PHF3: variants seen among roughly 807,000 people sequenced by gnomAD.
PHF3 encodes PHD finger protein 3.
PHF3 carries 41 observed loss-of-function variants against 178.4 expected under a neutral mutation model. The observed-to-expected ratio is 0.23, with a 90% CI of 0.18 to 0.30. The LOEUF (loss-of-function observed/expected upper bound fraction) is 0.30. Among genes scored for constraint, PHF3 ranks in the 10% least tolerant of loss-of-function variants. PHF3 has a pLI of 1.00. For missense variants in PHF3, 2,346 were observed against 2,398.1 expected (o/e 0.98, Z 0.45); for synonymous variants, 842 against 800.5 (o/e 1.05, Z -0.88).
Position 63,721,611 on chromosome 6 carries a change from T to A in PHF3, c.*7903T>A. ...CAGAGAACTCATTTTAGTGGAGGCC[T>A]TTTCTGTTACATTTATCCCATCTAG... On this transcript the variant is annotated 3_prime_UTR_variant, in exon 16 of 16. Transcript: ENST00000262043. 2 of 1,550,930 alleles carry A rather than the reference T, an allele frequency of 1.3e-6. No individual in the cohort carries two copies. Among genetic ancestry groups the A allele is most frequent in the Non-Finnish European group, 1.7e-6 (2 of 1,146,198 alleles).
rs1768325431 is a variant in PHF3, at chr6:63,720,364, G to A, written c.*6656G>A. 2.2e-6 allele frequency: 1 copy of A among 461,416 alleles called. No homozygotes were observed. Among genetic ancestry groups the A allele is most frequent in the African/African-American group, 2.0e-5 (1 of 49,384 alleles). 28.6% of individuals were successfully genotyped at this position (461,416 alleles called of 1,614,324 possible). ...TAAGCACATTCTGTGAATAAGCACT[G>A]AACTAATGGAGTTAAAACATGAATC... On this transcript the variant is annotated 3_prime_UTR_variant, in exon 16 of 16. Coordinates refer to ENST00000262043, the MANE Select transcript of PHF3 (RefSeq NM_001370348.2).
chr6:63,685,983 T>A, intron 4 of PHF3, 72 bp downstream of exon 4: 2 of 1,023,926 alleles, frequency 2.0e-6, no homozygotes, highest in South Asian at 1.5e-5. Flanking sequence ...GGGATTAATG[T>A]GAGAATTGTT....
rs747527635 is a variant in PHF3 at position 63,684,550 on chromosome 6, T to C, written c.828T>C (p.Cys276=). ...AGAAAAATGAAGCTTTGATGGAATG[T>C]AAAGCCAAGCCTGTTGGTAGTCCAT... ...GEKKNEALME[C]KAKPVGSPLF... is the part of the protein sequence containing the mutation. The change falls in exon 4 of 16, where the codon TGT becomes TGC. Residue 276 remains cysteine (C), a synonymous_variant. Coordinates refer to ENST00000262043, the MANE Select transcript of PHF3 (RefSeq NM_001370348.2). The C allele has an allele frequency of 6.8e-6, 11 of 1,613,724 alleles. No homozygotes were observed. Among genetic ancestry groups the C allele is most frequent in the Non-Finnish European group, 9.3e-6 (11 of 1,179,902 alleles).
At position 63,667,126 on chromosome 6, in the gene PHF3, T is replaced by G. The variant is rs73439247; in HGVS notation, c.245-12874T>G. Among the ~76,000 whole-genome samples the G allele has an allele frequency of 2.9e-3, 439 of 152,264 alleles. 2 individuals are homozygous for G. The highest frequency in any genetic ancestry group is 0.01 in the African/African-American group (426 of 41,534). On this transcript the variant is annotated intron_variant, in intron 2 of 15. Transcript: ENST00000262043. ...TTCGAAAGTGCTGGGATTACAGATA[T>G]GAGTACCATACTCAGCCTTCCCAAA...
intron 15 of PHF3, 77 bp downstream of exon 15, chr6:63,711,439 C>A: frequency 7.3e-7 from 1 of 1,372,176 alleles, no homozygotes; most frequent in Non-Finnish European, 1.0e-6. Context: ...ACTGATTCTG[C>A]CTTCTTTCTC....
At position 63,706,019 on chromosome 6, in the gene PHF3, C is replaced by G; in HGVS notation, c.3368-10C>G. The stretch of plus-strand genomic sequence containing the variant: ...AACAGTTGGTTTCTTTTGATGTATT[C>G]TGGGCTTAGGTCGAATGGCACCACC... On this transcript the variant is annotated splice_polypyrimidine_tract_variant and intron_variant, in intron 11 of 15. Transcript: ENST00000262043. 1 of 1,601,342 alleles carries G rather than the reference C, an allele frequency of 6.2e-7. No individual in the cohort carries two copies. The highest frequency in any genetic ancestry group is 8.5e-7 in the Non-Finnish European group (1 of 1,174,854).
At chr6:63,689,736 C>T (rs1766912519) in intron 4 of PHF3, among the ~76,000 whole-genome samples, 1 of 152,128 alleles carries the variant, frequency 6.6e-6, no homozygotes, top group Non-Finnish European at 1.5e-5. Context: ...CATCAAACCA[C>T]TCTTCCCTGG....
At chr6:63,676,755 A>C (rs1022167559) in intron 2 of PHF3, among the ~76,000 whole-genome samples, 41 of 152,338 alleles carry the variant, frequency 2.7e-4, no homozygotes, top group African/African-American at 9.4e-4. Flanking sequence ...ACGTGATCTG[A>C]CTTAATATTT....
In PHF3 at chr6:63,691,972, A is replaced by G. The variant is rs1338404095; in HGVS notation, c.2425A>G (p.Lys809Glu). The change falls in exon 5 of 16, where the codon AAA (lysine) becomes GAA (glutamate). Residue 809 changes from lysine (K) to glutamate (E), a missense_variant. Around this residue, in one of 8 missense-constraint regions of PHF3, gnomAD observed 252 missense variants for 232.0 expected, o/e 1.09. Transcript: ENST00000262043. ...GGAGTGTGAAAAGCTTGGATTATCA[A>G]AACACACAACAAATGATAGAACCAA... ...TMECEKLGLS[K>E]HTTNDRTKYI... The G allele has an allele frequency of 6.2e-7, 1 of 1,613,858 alleles. No homozygotes were observed. The highest frequency in any genetic ancestry group is 1.1e-5 in the South Asian group (1 of 91,060).
At chr6:63,655,004 C>T (rs1765173716) in intron 2 of PHF3, among the ~76,000 whole-genome samples, 1 of 151,308 alleles carries the variant, frequency 6.6e-6, no homozygotes, top group Admixed American at 6.6e-5. Flanking sequence ...AGTGATCCTC[C>T]CACCTCAGCC....
chr6:63,686,283 G>A (rs1003630022), intron 4 of PHF3: 1 of 179,494 alleles, frequency 5.6e-6, no homozygotes. Flanking sequence ...TTCATTTGGT[G>A]TGAGAAGAAC....
At position 63,684,416 on chromosome 6, in the gene PHF3, G is replaced by T; in HGVS notation, c.694G>T (p.Asp232Tyr). ...VSSCLEMKDE[D>Y]GLDSKHKCNN... is the part of the protein sequence containing the mutation. The stretch of plus-strand genomic sequence containing the variant: ...ATCTTGTCTTGAAATGAAGGATGAA[G>T]ATGGATTAGATTCTAAGCATAAGTG... The change falls in exon 4 of 16, where the codon GAT (aspartate) becomes TAT (tyrosine). Residue 232 changes from aspartate (D) to tyrosine (Y), a missense_variant. Physicochemically the swap from Asp to Tyr is radical, Grantham distance 160. Coordinates refer to ENST00000262043, the MANE Select transcript of PHF3 (RefSeq NM_001370348.2). 1 of 1,614,062 alleles carries T rather than the reference G, an allele frequency of 6.2e-7. No individual in the cohort carries two copies. The highest frequency in any genetic ancestry group is 1.7e-5 in the Admixed American group (1 of 60,022).
chr6:63,709,448 G>C (rs1767832461), intron 14 of PHF3, among the ~76,000 whole-genome samples: 1 of 151,726 alleles, frequency 6.6e-6, no homozygotes, highest in African/African-American at 2.4e-5. Context: ...CTCCTGGGAT[G>C]CTCTCTTTGT....
At chr6:63,637,291 C>T (rs940178838) in intron 1 of PHF3, among the ~76,000 whole-genome samples, 1 of 152,162 alleles carries the variant, frequency 6.6e-6, no homozygotes, top group African/African-American at 2.4e-5. Flanking sequence ...AACTTGTCTT[C>T]CCTTTGACAA....
intron 2 of PHF3, among the ~76,000 whole-genome samples, chr6:63,676,905 G>C (rs1314846156): frequency 6.6e-6 from 1 of 152,168 alleles, no homozygotes; most frequent in African/African-American, 2.4e-5. Context: ...TAGCTGGTCA[G>C]ATGTGTGATA....
intron 4 of PHF3, among the ~76,000 whole-genome samples, chr6:63,688,335 C>T (rs1408412165): frequency 1.1e-4 from 1 of 8,748 alleles, no homozygotes; most frequent in Non-Finnish European, 2.2e-4. Flanking sequence ...CTTCCCCTCC[C>T]CTCCTCTTCT....
chr6:63,643,526 A>G (rs1409136276), intron 1 of PHF3, among the ~76,000 whole-genome samples: 10 of 152,190 alleles, frequency 6.6e-5, no homozygotes, highest in Admixed American at 6.5e-4. Context: ...CTTTGGACTC[A>G]CAAATGTGAT....
chr6:63,713,259 C>T lies in PHF3; in HGVS notation c.5671C>T (p.Arg1891Trp), dbSNP rs760647034. 4 of 1,613,938 alleles carry T rather than the reference C, an allele frequency of 2.5e-6. No individual in the cohort carries two copies. The highest frequency in any genetic ancestry group is 2.2e-5 in the East Asian group (1 of 44,856). The part of the protein sequence containing the change: ...PQNFYQVKDI[R>W]RPERRHSDPW... ...GAATTTTTACCAGGTTAAAGACATT[C>T]GGAGGCCAGAAAGGCGCCATAGTGA... Residue 1891 changes from arginine (R) to tryptophan (W), a missense_variant, in exon 16 of 16, where the codon CGG becomes TGG. Arg to Trp is a moderately radical substitution (Grantham distance 101). Transcript: ENST00000262043.
rs767534063 is a variant in PHF3 at position 63,722,756 on chromosome 6, C to T, written c.*9048C>T. On this transcript the variant is annotated 3_prime_UTR_variant, in exon 16 of 16. Coordinates refer to ENST00000262043, the MANE Select transcript of PHF3 (RefSeq NM_001370348.2). ...CCTCCCTCCAGAGTGCCTATTTCCACACCTCCCTCCTGCAAATGGTGTTCT... is the reference window on the plus strand; with the variant it reads ...CCTCCCTCCAGAGTGCCTATTTCCATACCTCCCTCCTGCAAATGGTGTTCT... 2.6e-5 allele frequency among the ~76,000 whole-genome samples: 4 copies of T among 152,192 alleles called. No individual in the cohort carries two copies. Among genetic ancestry groups the T allele is most frequent in the Non-Finnish European group, 4.4e-5 (3 of 68,024 alleles).
Sources: allele counts gnomAD v4.1 joint callset (sites outside exome capture counted in the v4.1 genomes callset), GRCh38; gene constraint gnomAD v4.1.1; regional missense constraint gnomAD v4.1.1; transcripts MANE v1.5; gene names NCBI Gene and HGNC (gene_info 2026-07-23, HGNC 2026-07-21).